ANXA4: variants seen among roughly 807,000 people sequenced by gnomAD.
ANXA4 encodes the protein annexin A4, also known as 35-beta calcimedin.
A neutral mutation model predicts 49.8 loss-of-function variants in ANXA4; 39 were observed. The observed-to-expected ratio is 0.78, with a 90% confidence interval of 0.61 to 1.02. The LOEUF (loss-of-function observed/expected upper bound fraction) is 1.02. ANXA4 is among the 50% of genes least tolerant of loss of function. The pLI is 0.00. For synonymous variants in ANXA4, 134 were observed against 152.5 expected (o/e 0.88, Z 0.89); for missense variants, 360 against 410.1 (o/e 0.88, Z 1.05).
intron 1 of ANXA4, among the ~76,000 whole-genome samples, chr2:69,754,880 G>A (rs1291507270): frequency 6.6e-6 from 1 of 152,170 alleles, no homozygotes; most frequent in African/African-American, 2.4e-5. Flanking sequence ...GTATTTTGGT[G>A]ACTCTAGGCT....
In ANXA4 at chr2:69,649,603, C is replaced by CTTT. The variant is rs766975640; in HGVS notation, n.482-3371_482-3369dup. 1.7e-4 allele frequency among the ~76,000 whole-genome samples: 12 copies of CTTT among 70,668 alleles called. 1 individual carries two copies. The highest frequency in any genetic ancestry group is 2.0e-4 in the Non-Finnish European group (7 of 35,660). The allele number at this position is 70,668 out of a possible 152,430, so 46.4% of individuals were successfully genotyped here. The stretch of plus-strand genomic sequence containing the variant: ...CTTGTGTGCTTCTTTGATTTTCTTT[C>CTTT]TTTTTTTTTTTTTTTTTTTTTTTTT... On this transcript the variant is annotated intron_variant and non_coding_transcript_variant, in intron 1 of 3. Coordinates refer to the ANXA4 transcript ENST00000418066.
intron 8 of ANXA4, among the ~76,000 whole-genome samples, chr2:69,813,848 C>T (rs200316458): frequency 6.6e-6 from 1 of 151,218 alleles, no homozygotes; most frequent in African/African-American, 2.4e-5. Flanking sequence ...ACCTCCCCCT[C>T]CCAGGTTCAA....
At chr2:69,697,679 T>C (rs1210963187) in intron 2 of ANXA4, among the ~76,000 whole-genome samples, 1 of 152,202 alleles carries the variant, frequency 6.6e-6, no homozygotes, top group African/African-American at 2.4e-5. Context: ...ACTTGAACAC[T>C]GAGAGGCCAT....
chr2:69,732,252 C>G (rs1670124703), intron 3 of ANXA4, among the ~76,000 whole-genome samples: 1 of 150,948 alleles, frequency 6.6e-6, no homozygotes, highest in South Asian at 2.1e-4. Context: ...GCTGGGATTA[C>G]AGGCGTGAGC....
At chr2:69,674,095 T>C (rs940937812) in intron 2 of ANXA4, 2 of 152,210 alleles carry the variant, frequency 1.3e-5, no homozygotes, top group Non-Finnish European at 2.9e-5. Flanking sequence ...TTTGTTGAAT[T>C]GATCCAAGCC....
intron 1 of ANXA4, among the ~76,000 whole-genome samples, chr2:69,756,844 A>G (rs1361869454): frequency 1.3e-5 from 2 of 151,920 alleles, no homozygotes; most frequent in East Asian, 3.8e-4. Flanking sequence ...TGGGCAAAAA[A>G]TACACACCAA....
intron 2 of ANXA4, among the ~76,000 whole-genome samples, chr2:69,689,973 G>A (rs1180075809): frequency 6.6e-6 from 1 of 151,522 alleles, no homozygotes; most frequent in Non-Finnish European, 1.5e-5. Context: ...TCTCTTTTTA[G>A]ATAAACAGTA....
intron 2 of ANXA4, among the ~76,000 whole-genome samples, chr2:69,689,428 C>A (rs1257318831): frequency 6.6e-6 from 1 of 152,042 alleles, no homozygotes; most frequent in African/African-American, 2.4e-5. Flanking sequence ...GTTTTTTCAA[C>A]CTCGTCAATC....
intron 4 of ANXA4, among the ~76,000 whole-genome samples, chr2:69,805,712 G>A (rs548144594): frequency 1.3e-5 from 2 of 151,960 alleles, no homozygotes; most frequent in Non-Finnish European, 2.9e-5. Flanking sequence ...AAGACATATT[G>A]TTAAGTAGGC....
chr2:69,656,191 A>G (rs540412706), intron 2 of ANXA4, among the ~76,000 whole-genome samples: 1,567 of 66,742 alleles, frequency 0.023, 132 homozygotes, highest in Admixed American at 0.18. Context: ...ATATATACGT[A>G]TATATATATA....
chr2:69,808,223 C>T (rs1673533797), intron 6 of ANXA4: 1 of 488,886 alleles, frequency 2.0e-6, no homozygotes, highest in East Asian at 3.7e-5. Context: ...CTACCCAGTG[C>T]AGTATTTTAT....
chr2:69,706,775 C>T (rs547492632), intron 2 of ANXA4, among the ~76,000 whole-genome samples: 10 of 152,298 alleles, frequency 6.6e-5, no homozygotes, highest in African/African-American at 2.4e-4. Flanking sequence ...GCTTCTTTCA[C>T]TTAGTGTGTT....
intron 3 of ANXA4, among the ~76,000 whole-genome samples, chr2:69,795,457 CT>C (rs2103756408): frequency 6.6e-6 from 1 of 152,308 alleles, no homozygotes; most frequent in South Asian, 2.1e-4. Context: ...GGCAGATGTC[CT>C]GAACTAGTCT....
chr2:69,724,892 G>C (rs1032317269), intron 3 of ANXA4, among the ~76,000 whole-genome samples: 1 of 152,190 alleles, frequency 6.6e-6, no homozygotes, highest in African/African-American at 2.4e-5. Flanking sequence ...AGGAAGCTGG[G>C]TTGCAGCCGC....
intron 3 of ANXA4, among the ~76,000 whole-genome samples, chr2:69,727,553 T>G (rs990336531): frequency 6.6e-6 from 1 of 152,230 alleles, no homozygotes; most frequent in African/African-American, 2.4e-5. Flanking sequence ...ATATTCTGTT[T>G]TATAAAGTGC....
intron 2 of ANXA4, among the ~76,000 whole-genome samples, chr2:69,691,335 G>T (rs553215730): frequency 6.6e-6 from 1 of 151,672 alleles, no homozygotes; most frequent in Non-Finnish European, 1.5e-5. Context: ...TGTTGGCCTC[G>T]AACTCCTGAC....
intron 2 of ANXA4, among the ~76,000 whole-genome samples, chr2:69,703,063 G>A (rs746675880): frequency 6.6e-5 from 10 of 152,038 alleles, no homozygotes; most frequent in Non-Finnish European, 1.0e-4. Context: ...AGAGTCACAG[G>A]GTAATCAGAG....
upstream of ANXA4, among the ~76,000 whole-genome samples, chr2:69,740,756 T>C (rs1196582331): frequency 6.9e-6 from 1 of 144,662 alleles, no homozygotes; most frequent in Non-Finnish European, 1.5e-5. Context: ...AATCTCAGCT[T>C]ACTGAGCCTC....
chr2:69,775,238 C>G (rs1559176003), intron 1 of ANXA4, among the ~76,000 whole-genome samples: 1 of 152,196 alleles, frequency 6.6e-6, no homozygotes, highest in Non-Finnish European at 1.5e-5. Flanking sequence ...TTTGCAGTTA[C>G]TGGCTAGAGC....
Sources: allele counts gnomAD v4.1 joint callset (sites outside exome capture counted in the v4.1 genomes callset), GRCh38; gene constraint gnomAD v4.1.1; transcripts MANE v1.5; gene names NCBI Gene and HGNC (gene_info 2026-07-23, HGNC 2026-07-21).